The following ABCA8 variants were observed in gnomAD, a reference collection of about 807,000 sequenced individuals.
ABCA8 encodes ABC-type organic anion transporter ABCA8.
Under a neutral mutation model 192.3 loss-of-function variants are expected in ABCA8, and 177 were observed. The observed-to-expected ratio is 0.92, with a 90% confidence interval of 0.81 to 1.04. The LOEUF (loss-of-function observed/expected upper bound fraction) is 1.04. Among genes scored for constraint, ABCA8 ranks in the 50% least tolerant of loss-of-function variants. The probability of loss-of-function intolerance (pLI) is 0.00; values close to 1 mark genes in which losing one functional copy is unlikely to be tolerated. For synonymous variants in ABCA8, 642 were observed against 690.2 expected (o/e 0.93, Z 1.09); for missense variants, 1,915 against 1,904.8 (o/e 1.01, Z -0.10).
At chr17:68,908,010 A>G in intron 17 of ABCA8, 131 bp from the exon 18 acceptor site, 1 of 873,148 alleles carries the variant, frequency 1.1e-6, no homozygotes, top group South Asian at 3.9e-5. Flanking sequence ...GGTCAGACAA[A>G]CACAAAATAA....
At chr17:68,927,838 A>G in intron 10 of ABCA8, 78 bp downstream of exon 10, 1 of 1,107,784 alleles carries the variant, frequency 9.0e-7, no homozygotes, top group Non-Finnish European at 1.3e-6. Flanking sequence ...AAATATAAAT[A>G]GTATATCCAT....
chr17:68,881,964 G>A lies in ABCA8; in HGVS notation c.3845C>T (p.Ala1282Val). 6.2e-7 allele frequency: 1 copy of A among 1,613,662 alleles called. No homozygotes were observed. The highest frequency in any genetic ancestry group is 1.7e-5 in the Admixed American group (1 of 59,984). The stretch of plus-strand genomic sequence containing the variant: ...TGCATACTCCTTGCGTAGACAGCTG[G>A]CAATGATGACTGGCTTCTGTAAATG... ...TNFDEKPVII[A>V]SCLRKEYAGK... The change falls in exon 31 of 40, where the codon GCC becomes GTC. Residue 1282 changes from alanine to valine, a missense_variant. Physicochemically the swap from Ala to Val is moderately conservative, Grantham distance 64. Transcript: ENST00000586539.
In ABCA8 at chr17:68,875,601, G is replaced by A. The variant is rs1322445090; in HGVS notation, c.4490+13C>T. 1.9e-6 allele frequency: 3 copies of A among 1,613,338 alleles called. No individual in the cohort carries two copies. The highest frequency in any genetic ancestry group is 2.5e-6 in the Non-Finnish European group (3 of 1,179,720). On this transcript the variant is annotated intron_variant, in intron 36 of 39. Transcript: ENST00000586539. Reference sequence around the variant, plus strand: ...ACCTTGGGCTCAAGTGTGGGTCCAGGACAGGCACTCACCTCAACCTCCCAG... The same window carrying A: ...ACCTTGGGCTCAAGTGTGGGTCCAGAACAGGCACTCACCTCAACCTCCCAG...
rs1040785346 is a variant in ABCA8 at position 68,869,741 on chromosome 17, T to A, written c.4670A>T (p.Asp1557Val). 6 of 1,613,268 alleles carry A rather than the reference T, an allele frequency of 3.7e-6. No homozygotes were observed. The Admixed American group carries it at 6.7e-5, about 18-fold the overall frequency. The part of the protein sequence containing the change: ...SLMVYKLPVE[D>V]VQPLAQAFFK... ...GAAAGCTTGGGCTAAAGGTTGCACA[T>A]CTTCCACTGGCAACTTATAAACCAT... Residue 1557 changes from aspartate (D) to valine (V), a missense_variant, in exon 38 of 40, where the codon GAT becomes GTT. Asp to Val is a radical substitution (Grantham distance 152, BLOSUM62 -3). Transcript: ENST00000586539.
intron 25 of ABCA8, 37 bp from the exon 26 acceptor site, chr17:68,887,167 A>C (rs1001388036): frequency 6.8e-7 from 1 of 1,468,944 alleles, no homozygotes; most frequent in Admixed American, 2.0e-5. Context: ...AGTTAAATAC[A>C]AATGCAATCA....
At chr17:68,910,776 G>A (rs2143550915) in intron 17 of ABCA8, among the ~76,000 whole-genome samples, 1 of 152,322 alleles carries the variant, frequency 6.6e-6, no homozygotes, top group South Asian at 2.1e-4. Flanking sequence ...ACCAGGCAGA[G>A]TTCTGAGGAC....
chr17:68,906,980 G>T (rs543877159), intron 18 of ABCA8, among the ~76,000 whole-genome samples: 2 of 151,992 alleles, frequency 1.3e-5, no homozygotes, highest in Non-Finnish European at 2.9e-5. Flanking sequence ...TTGGGCAAAA[G>T]GATAGGTTAA....
rs781021040 is a variant in ABCA8, at chr17:68,868,211, G to C, written c.4768-28C>G. On this transcript the variant is annotated intron_variant, in intron 39 of 39. Transcript: ENST00000586539. ...GAAAGGGAGGAAGGAAATAAAGAGA[G>C]GAGAACAATGCCGTGCTGCCTCTGC... 5 of 1,609,610 alleles carry C rather than the reference G, an allele frequency of 3.1e-6. No homozygotes were observed. The South Asian group carries it at 5.5e-5, about 18-fold the overall frequency.
At chr17:68,912,862 AAAAAC>A (rs1163781878) in intron 17 of ABCA8, among the ~76,000 whole-genome samples, 17 of 152,336 alleles carry the variant, frequency 1.1e-4, no homozygotes, top group African/African-American at 3.8e-4. Context: ...ACAGAAAATC[AAAAAC>A]ATTGGACTTA....
chr17:68,885,151 G>T (rs1420417071), intron 27 of ABCA8, 45 bp downstream of exon 27: 1 of 1,569,768 alleles, frequency 6.4e-7, no homozygotes. Flanking sequence ...CTTCACAATT[G>T]GTCATGAGTT....
intron 1 of ABCA8, among the ~76,000 whole-genome samples, chr17:68,954,592 A>C (rs1321895880): frequency 6.6e-6 from 1 of 152,184 alleles, no homozygotes; most frequent in Non-Finnish European, 1.5e-5. Flanking sequence ...AGGAGTATGA[A>C]AATTCTTTTT....
chr17:68,875,405 A>G lies in ABCA8; in HGVS notation c.4491-5T>C, dbSNP rs1388573358. On this transcript the variant is annotated splice_region_variant and splice_polypyrimidine_tract_variant and intron_variant, in intron 36 of 39. Transcript: ENST00000586539. ...TGTTGGATGGAACCGATACATCTGGAGGATGAGGTCATATGAGAAAGGAGA... is the reference window on the plus strand; with the variant it reads ...TGTTGGATGGAACCGATACATCTGGGGGATGAGGTCATATGAGAAAGGAGA... 5 of 1,613,916 alleles carry G rather than the reference A, an allele frequency of 3.1e-6. No homozygotes were observed. Among genetic ancestry groups the G allele is most frequent in the Admixed American group, 1.7e-5 (1 of 59,994 alleles).
chr17:68,913,718 C>T (rs1225767037), intron 17 of ABCA8, among the ~76,000 whole-genome samples: 2 of 151,868 alleles, frequency 1.3e-5, no homozygotes, highest in Non-Finnish European at 2.9e-5. Flanking sequence ...CCAATAACAA[C>T]CAACAAGATT....
intron 21 of ABCA8, among the ~76,000 whole-genome samples, chr17:68,901,327 G>T (rs2066905482): frequency 6.6e-6 from 1 of 152,008 alleles, no homozygotes; most frequent in Admixed American, 6.5e-5. Flanking sequence ...AAAGAAAACA[G>T]ACATTTCTAC....
At chr17:68,871,656 A>T (rs546445327) in intron 37 of ABCA8, among the ~76,000 whole-genome samples, 2 of 152,122 alleles carry the variant, frequency 1.3e-5, no homozygotes, top group African/African-American at 4.8e-5. Context: ...CCACATAATG[A>T]TGTCATAATC....
intron 14 of ABCA8, among the ~76,000 whole-genome samples, chr17:68,918,829 C>A (rs989438806): frequency 6.7e-6 from 1 of 149,286 alleles, no homozygotes; most frequent in South Asian, 2.1e-4. Context: ...ACTCAGGAGG[C>A]TGAGGCAGGA....
intron 32 of ABCA8, among the ~76,000 whole-genome samples, chr17:68,880,537 G>A (rs1198071271): frequency 1.3e-5 from 2 of 152,152 alleles, no homozygotes; most frequent in South Asian, 2.1e-4. Flanking sequence ...GGGGATCCCC[G>A]AGCCAGGGCT....
chr17:68,947,180 G>T (rs979422106), intron 2 of ABCA8, among the ~76,000 whole-genome samples: 1 of 151,900 alleles, frequency 6.6e-6, no homozygotes, highest in African/African-American at 2.4e-5. Context: ...AAATGTTTAT[G>T]GTATTGAGTT....
chr17:68,907,387 C>A (rs184971570), intron 18 of ABCA8, among the ~76,000 whole-genome samples: 1 of 151,796 alleles, frequency 6.6e-6, no homozygotes, highest in Non-Finnish European at 1.5e-5. Context: ...AAAGTCTCAC[C>A]GAGACAGATA....
Sources: allele counts gnomAD v4.1 joint callset (sites outside exome capture counted in the v4.1 genomes callset), GRCh38; gene constraint gnomAD v4.1.1; transcripts MANE v1.5; gene names NCBI Gene and HGNC (gene_info 2026-07-23, HGNC 2026-07-21).